Variants in RANBP17 observed in about 807,000 individuals in gnomAD.
RANBP17 encodes ran-binding protein 17.
In RANBP17, 158 loss-of-function variants were observed where a neutral mutation model predicts 141.2. The ratio of observed to expected loss-of-function variants is 1.12; its 90% CI spans 0.98 to 1.28. The LOEUF is 1.28. Among genes scored for constraint, RANBP17 ranks in the 50% most tolerant of loss-of-function variants. The probability of loss-of-function intolerance (pLI) is 0.00; values close to 1 mark genes in which losing one functional copy is unlikely to be tolerated. For synonymous variants in RANBP17, 430 were observed against 450.0 expected, an observed-to-expected ratio of 0.96 and a Z score of 0.56; for missense variants, 1,438 against 1,290.7, an observed-to-expected ratio of 1.11 and a Z score of -1.75.
At chr5:171,272,181 G>C (rs1767159432) in intron 25 of RANBP17, among the ~76,000 whole-genome samples, 1 of 152,172 alleles carries the variant, frequency 6.6e-6, no homozygotes, top group African/African-American at 2.4e-5. Context: ...AGATACCGGG[G>C]CCTACTTGAG....
chr5:171,159,384 G>A (rs954199801), intron 14 of RANBP17, among the ~76,000 whole-genome samples: 1 of 152,086 alleles, frequency 6.6e-6, no homozygotes, highest in Non-Finnish European at 1.5e-5. Context: ...GTCCTGGCTC[G>A]CCATCAGTCA....
intron 18 of RANBP17, among the ~76,000 whole-genome samples, chr5:171,193,375 G>A (rs1761773512): frequency 6.6e-6 from 1 of 151,294 alleles, no homozygotes; most frequent in Non-Finnish European, 1.5e-5. Flanking sequence ...TCTACTCAGT[G>A]ATTTGCACTT....
intron 3 of RANBP17, among the ~76,000 whole-genome samples, 179 bp from the exon 4 acceptor site, chr5:170,892,208 G>A (rs1261294112): frequency 6.7e-6 from 1 of 148,172 alleles, no homozygotes; most frequent in East Asian, 2.0e-4. Context: ...GTATACATGT[G>A]CCATGGTGTT....
chr5:170,865,223 C>T (rs1385964431), intron 1 of RANBP17, among the ~76,000 whole-genome samples: 2 of 151,978 alleles, frequency 1.3e-5, no homozygotes, highest in Non-Finnish European at 2.9e-5. Flanking sequence ...CCACCATGCC[C>T]TGCTAATTTT....
intron 14 of RANBP17, among the ~76,000 whole-genome samples, chr5:171,111,622 T>A (rs1003712314): frequency 1.3e-5 from 2 of 152,194 alleles, no homozygotes; most frequent in Non-Finnish European, 2.9e-5. Context: ...TTCTGAGCTA[T>A]ATTCATTCCA....
intron 14 of RANBP17, among the ~76,000 whole-genome samples, chr5:170,973,875 C>G (rs538950469): frequency 6.6e-6 from 1 of 152,178 alleles, no homozygotes; most frequent in Admixed American, 6.5e-5. Context: ...TCTCAGACCA[C>G]TTATGAGGAC....
chr5:171,016,948 A>G (rs1027020621), intron 14 of RANBP17, among the ~76,000 whole-genome samples: 27 of 116,430 alleles, frequency 2.3e-4, no homozygotes, highest in Admixed American at 7.9e-4. Flanking sequence ...GTTCCCCTCT[A>G]TGTGTCCATG....
chr5:171,205,513 C>G lies in RANBP17; in HGVS notation c.2143-11C>G, dbSNP rs1234970378. The G allele has an allele frequency of 6.2e-7, 1 of 1,611,906 alleles. No homozygotes were observed. Among genetic ancestry groups the G allele is most frequent in the Non-Finnish European group, 8.5e-7 (1 of 1,178,154 alleles). On this transcript the variant is annotated splice_polypyrimidine_tract_variant and intron_variant, in intron 19 of 27. Transcript: ENST00000523189. ...TGAAAATCAATTACTGTGTCTCTTT[C>G]CCACTGACAGCGTATGTTGATCGGG...
In RANBP17 at chr5:171,299,478, C is replaced by T. The variant is rs749417357; in HGVS notation, c.*620C>T. On this transcript the variant is annotated 3_prime_UTR_variant, in exon 28 of 28. Transcript: ENST00000523189. ...AGAAACAATGTTTGCTTTTCACTGG[C>T]ATAAATCTGAAGTGGTTCAGTCTAG... The T allele has an allele frequency of 1.7e-5, 4 of 231,370 alleles. No individual in the cohort carries two copies. Among genetic ancestry groups the T allele is most frequent in the Non-Finnish European group, 3.4e-5 (4 of 116,706 alleles). The allele number at this position is 231,370 out of a possible 1,614,324, so 14.3% of individuals were successfully genotyped here.
intron 22 of RANBP17, among the ~76,000 whole-genome samples, chr5:171,226,804 A>G (rs566514313): frequency 6.6e-6 from 1 of 152,346 alleles, no homozygotes; most frequent in East Asian, 1.9e-4. Flanking sequence ...TGCATGTACT[A>G]TTAGAAGTGT....
At chr5:170,885,814 T>A (rs1289807980) in intron 3 of RANBP17, among the ~76,000 whole-genome samples, 1 of 152,168 alleles carries the variant, frequency 6.6e-6, no homozygotes, top group Non-Finnish European at 1.5e-5. Context: ...CTATTAGGTT[T>A]ATTAGATCTT....
chr5:171,035,401 A>G (rs574312962), intron 14 of RANBP17, among the ~76,000 whole-genome samples: 2 of 152,266 alleles, frequency 1.3e-5, no homozygotes, highest in South Asian at 2.1e-4. Context: ...GGTTTTTGCT[A>G]TTAGAGAGGT....
chr5:171,140,212 C>T lies in RANBP17; in HGVS notation c.1711-29918C>T, dbSNP rs117830093. Among the ~76,000 whole-genome samples, 371 of 152,268 alleles carry T rather than the reference C, an allele frequency of 2.4e-3. 7 individuals carry two copies. In the East Asian group the frequency reaches 0.057, roughly 23 times the overall value. Reference sequence around the variant, plus strand: ...CCTCTACTTTTCCATTATAGCAACTCGCACAGTTTGTAATAATGTTTGTGT... The same window carrying T: ...CCTCTACTTTTCCATTATAGCAACTTGCACAGTTTGTAATAATGTTTGTGT... On this transcript the variant is annotated intron_variant, in intron 14 of 27. Coordinates refer to ENST00000523189, the MANE Select transcript of RANBP17 (RefSeq NM_022897.5).
Position 170,990,061 on chromosome 5 carries a change from A to G in RANBP17, c.1710+21684A>G, listed in dbSNP as rs540303556. Among the ~76,000 whole-genome samples, 8 of 151,964 alleles carry G rather than the reference A, an allele frequency of 5.3e-5. No homozygotes were observed. In the South Asian group the frequency reaches 1.0e-3, roughly 20 times the overall value. ...GTCCAAGTTAAAGTGCTTAACTATA[A>G]TTGTCTAAGTTTGAATGGTATTGCC... On this transcript the variant is annotated intron_variant, in intron 14 of 27. Coordinates refer to ENST00000523189, the MANE Select transcript of RANBP17 (RefSeq NM_022897.5).
At chr5:171,231,012 C>G (rs1764174912) in intron 22 of RANBP17, among the ~76,000 whole-genome samples, 1 of 151,506 alleles carries the variant, frequency 6.6e-6, no homozygotes, top group Non-Finnish European at 1.5e-5. Flanking sequence ...TCATAATTCA[C>G]TGAACCCTCG....
chr5:170,897,499 T>A (rs1202109460), intron 5 of RANBP17, among the ~76,000 whole-genome samples: 1 of 152,142 alleles, frequency 6.6e-6, no homozygotes, highest in Admixed American at 6.5e-5. Context: ...GGTGGTTTGC[T>A]GCACCCATCA....
chr5:170,881,509 A>C (rs1768689389), intron 2 of RANBP17, among the ~76,000 whole-genome samples: 1 of 152,208 alleles, frequency 6.6e-6, no homozygotes, highest in South Asian at 2.1e-4. Flanking sequence ...GCTGTAGACC[A>C]TGGTAAAAGT....
At chr5:170,928,769 CCTT>C (rs1313808956) in intron 12 of RANBP17, among the ~76,000 whole-genome samples, 1 of 91,620 alleles carries the variant, frequency 1.1e-5, no homozygotes, top group Admixed American at 1.2e-4. Context: ...AATTATTTAA[CCTT>C]TTTTTTTTTT....
intron 14 of RANBP17, among the ~76,000 whole-genome samples, chr5:171,019,196 A>T (rs1273333907): frequency 6.6e-6 from 1 of 152,224 alleles, no homozygotes; most frequent in Admixed American, 6.5e-5. Flanking sequence ...AATGTTCATC[A>T]GAGATATTGG....
Sources: allele counts gnomAD v4.1 joint callset (sites outside exome capture counted in the v4.1 genomes callset), GRCh38; gene constraint gnomAD v4.1.1; transcripts MANE v1.5; gene names NCBI Gene and HGNC (gene_info 2026-07-23, HGNC 2026-07-21).